Variants in RTEL1 observed in about 807,000 individuals in gnomAD.
RTEL1 encodes regulator of telomere length.
A neutral mutation model predicts 162.2 loss-of-function variants in RTEL1; 86 were observed. The observed-to-expected ratio is 0.53, with a 90% CI of 0.45 to 0.63. The LOEUF is 0.63. Ranked by LOEUF, RTEL1 falls within the 30% of genes least tolerant of loss-of-function variation. RTEL1 has a pLI of 0.00. For synonymous variants in RTEL1, 958 were observed against 717.9 expected (o/e 1.33, Z -5.35); for missense variants, 1,941 against 1,750.2 (o/e 1.11, Z -1.95).
intron 14 of RTEL1, among the ~76,000 whole-genome samples, 182 bp from the exon 15 acceptor site, chr20:63,685,341 A>G (rs2090568285): frequency 1.3e-5 from 2 of 152,164 alleles, no homozygotes; most frequent in African/African-American, 2.4e-5. Flanking sequence ...GGGTCCCTGC[A>G]GGGAGGAGAA....
At chr20:63,670,619 T>C (rs1038753887) in intron 8 of RTEL1, among the ~76,000 whole-genome samples, 5 of 152,338 alleles carry the variant, frequency 3.3e-5, no homozygotes, top group Admixed American at 3.3e-4. Flanking sequence ...CATCCATCGC[T>C]GTGAAGTTGT....
chr20:63,680,058 A>T, intron 13 of RTEL1, 112 bp downstream of exon 13: 1 of 695,228 alleles, frequency 1.4e-6, no homozygotes, highest in South Asian at 1.8e-5. Context: ...GTCAGCAGGA[A>T]CAGGCCCACA....
intron 16 of RTEL1, 128 bp downstream of exon 16, chr20:63,686,000 C>G (rs2090584889): frequency 1.3e-6 from 1 of 778,832 alleles, no homozygotes; most frequent in Non-Finnish European, 2.2e-6. Flanking sequence ...TTCTCCATAT[C>G]CAGGCCAATC....
At chr20:63,662,267 C>T (rs2090034937) in intron 4 of RTEL1, 3 of 644,434 alleles carry the variant, frequency 4.7e-6, no homozygotes, top group South Asian at 1.8e-5. Flanking sequence ...TAGGAGGAGG[C>T]CCTGCTGCTT....
Position 63,689,882 on chromosome 20 carries a change from G to A in RTEL1, c.2141+17G>A. 6.3e-7 allele frequency: 1 copy of A among 1,596,550 alleles called. No individual in the cohort carries two copies. The highest frequency in any genetic ancestry group is 8.5e-7 in the Non-Finnish European group (1 of 1,173,684). ...TGACCACAGGTGCGTGCAGTCCGGT[G>A]GCAGGCGCGGCGCCAGGGGACACGC... On this transcript the variant is annotated intron_variant, in intron 24 of 34. Transcript: ENST00000360203.
At chr20:63,693,635 C>A (rs201691978) in intron 30 of RTEL1, among the ~76,000 whole-genome samples, 3 of 138,534 alleles carry the variant, frequency 2.2e-5, no homozygotes, top group African/African-American at 5.4e-5. Flanking sequence ...CCACCTCCAC[C>A]ACCACCACCT....
At chr20:63,695,259 A>T in intron 33 of RTEL1, 38 bp downstream of exon 33, 1 of 1,607,022 alleles carries the variant, frequency 6.2e-7, no homozygotes. Flanking sequence ...CAGCGCCCCA[A>T]CCGCACGCAG....
In RTEL1 at chr20:63,689,248, C is replaced by T. The variant is rs1447134026; in HGVS notation, c.1878+116C>T. 2.4e-5 allele frequency: 25 copies of T among 1,059,064 alleles called. No individual in the cohort carries two copies. In the East Asian group the frequency reaches 4.9e-4, roughly 21 times the overall value. 65.6% of individuals were successfully genotyped at this position (1,059,064 alleles called of 1,614,324 possible). On this transcript the variant is annotated intron_variant, in intron 22 of 34. Coordinates refer to ENST00000360203, the MANE Select transcript of RTEL1 (RefSeq NM_001283009.2). The stretch of plus-strand genomic sequence containing the variant: ...TGCCCGGTCCCCTCCTTGGGTCCCA[C>T]GAGAGCGACTGCTGGCCCTGCTGGG...
chr20:63,664,712 A>G (rs1030733154), intron 6 of RTEL1, among the ~76,000 whole-genome samples: 3 of 152,196 alleles, frequency 2.0e-5, no homozygotes, highest in Non-Finnish European at 2.9e-5. Context: ...CAGCACCTGC[A>G]CCGGCCTGAG....
rs12481716 is a variant in RTEL1, at chr20:63,662,741, T to C, written c.478-88T>C. ...TAGGGTTTGAAGTTCACTGGGGGACTGCAGGGGAGGACCTGGTGGGGGTGG... is the reference window on the plus strand; with the variant it reads ...TAGGGTTTGAAGTTCACTGGGGGACCGCAGGGGAGGACCTGGTGGGGGTGG... On this transcript the variant is annotated intron_variant, in intron 5 of 34. Coordinates refer to ENST00000360203, the MANE Select transcript of RTEL1 (RefSeq NM_001283009.2). 116,528 of 1,594,522 alleles carry C rather than the reference T, an allele frequency of 0.073. 4,712 individuals are homozygous for C. Among genetic ancestry groups the C allele is most frequent in the Non-Finnish European group, 0.083 (97,043 of 1,162,834 alleles).
chr20:63,695,040 C>T lies in RTEL1; in HGVS notation c.3344-26C>T, dbSNP rs770621781. The stretch of plus-strand genomic sequence containing the variant: ...GGCAGGGGACAAAATGGGGGCTGTG[C>T]CGGGTCTGATTGAAGCTCCCCGCAG... On this transcript the variant is annotated intron_variant, in intron 32 of 34. Coordinates refer to ENST00000360203, the MANE Select transcript of RTEL1 (RefSeq NM_001283009.2). 3.7e-6 allele frequency: 6 copies of T among 1,609,926 alleles called. No homozygotes were observed. In the African/African-American group the frequency reaches 8.0e-5, roughly 22 times the overall value.
chr20:63,688,859 C>A, intron 21 of RTEL1, 196 bp from the exon 22 acceptor site: 2 of 668,084 alleles, frequency 3.0e-6, no homozygotes, highest in Non-Finnish European at 2.6e-6. Flanking sequence ...CCTGGGGTTC[C>A]CCGTGTTTTC....
chr20:63,692,754 G>A (rs774498070), intron 28 of RTEL1, 51 bp from the exon 29 acceptor site: 8 of 1,550,660 alleles, frequency 5.2e-6, no homozygotes, highest in Admixed American at 1.7e-5. Context: ...CAGCCCCAGG[G>A]ACCAGATGAT....
Position 63,687,703 on chromosome 20 carries a change from G to A in RTEL1, c.1414G>A (p.Val472Ile), listed in dbSNP as rs941024707. Residue 472 changes from valine to isoleucine, a missense_variant, in exon 17 of 35, where the codon GTC (valine) becomes ATC (isoleucine). Coordinates refer to ENST00000360203, the MANE Select transcript of RTEL1 (RefSeq NM_001283009.2). ...HSMHELVRQG[V>I]RSLILTSGTL... ...CATGCACGAGCTGGTCCGCCAGGGC[G>A]TCCGCTCCCTCATCCTTACCAGCGG... 9 of 1,605,706 alleles carry A rather than the reference G, an allele frequency of 5.6e-6. No homozygotes were observed. Among genetic ancestry groups the A allele is most frequent in the Admixed American group, 3.4e-5 (2 of 59,328 alleles).
intron 12 of RTEL1, among the ~76,000 whole-genome samples, chr20:63,679,195 C>T (rs1331943672): frequency 6.6e-6 from 1 of 152,190 alleles, no homozygotes; most frequent in Non-Finnish European, 1.5e-5. Flanking sequence ...GGGCTGGGGC[C>T]TGTGTGGGGG....
chr20:63,671,852 CTG>C (rs1470525744), intron 8 of RTEL1, among the ~76,000 whole-genome samples: 2 of 152,000 alleles, frequency 1.3e-5, no homozygotes. Context: ...CCATGACACT[CTG>C]TGGGTGGGAC....
rs918283023 is a variant in RTEL1, at chr20:63,673,745, A to C, written c.766-195A>C. On this transcript the variant is annotated intron_variant, in intron 9 of 34. Transcript: ENST00000360203. The stretch of plus-strand genomic sequence containing the variant: ...TGAGCCACCGCGCCCGGCCTGAAAC[A>C]ATCGTTTCTAAATATTGGTGTGGGC... Among the ~76,000 whole-genome samples the C allele has an allele frequency of 2.6e-5, 4 of 152,114 alleles. No individual in the cohort carries two copies. In the East Asian group the frequency reaches 5.8e-4, roughly 22 times the overall value.
At chr20:63,674,129 T>G (rs73920965) in intron 10 of RTEL1, 36 bp downstream of exon 10, 2 of 1,519,566 alleles carry the variant, frequency 1.3e-6, no homozygotes, top group Non-Finnish European at 1.8e-6. Context: ...TCCTGAGGCC[T>G]GCGCTGCTGC....
rs908799108 is a variant in RTEL1, at chr20:63,690,936, G to T, written c.2545G>T (p.Gly849Cys). Residue 849 changes from glycine (G) to cysteine (C), a missense_variant, in exon 27 of 35, where the codon GGC (glycine) becomes TGC (cysteine). Coordinates refer to ENST00000360203, the MANE Select transcript of RTEL1 (RefSeq NM_001283009.2). ...EHSEQRAGSP[G>C]EEQAHSCSTL... ...CAGCGAACAGCGGGCGGGGAGCCCT[G>T]GCGAGGAGCAGGTACAGTTCCAGGG... is the stretch of plus-strand genomic sequence containing the variant. The T allele has an allele frequency of 6.4e-7, 1 of 1,550,824 alleles. No homozygotes were observed. The highest frequency in any genetic ancestry group is 2.2e-4 in the Middle Eastern group (1 of 4,584).
Sources: allele counts gnomAD v4.1 joint callset (sites outside exome capture counted in the v4.1 genomes callset), GRCh38; gene constraint gnomAD v4.1.1; transcripts MANE v1.5; gene names NCBI Gene and HGNC (gene_info 2026-07-23, HGNC 2026-07-21).